The following CMIP variants were observed in gnomAD, a reference collection of about 807,000 sequenced individuals.
CMIP encodes c-Maf inducing protein.
CMIP carries 13 observed loss-of-function variants against 97.3 expected under a neutral mutation model. The ratio of observed to expected loss-of-function variants is 0.13; its 90% CI spans 0.09 to 0.21. CMIP has a LOEUF of 0.21. Ranked by LOEUF, CMIP falls within the 10% of genes least tolerant of loss-of-function variation. CMIP has a pLI of 1.00. For synonymous variants in CMIP, 538 were observed against 436.3 expected (o/e 1.23, Z -2.91); for missense variants, 847 against 1,024.9 (o/e 0.83, Z 2.37).
At chr16:81,642,196 C>G (rs1274910238) in intron 3 of CMIP, among the ~76,000 whole-genome samples, 1 of 152,188 alleles carries the variant, frequency 6.6e-6, no homozygotes, top group Non-Finnish European at 1.5e-5. Context: ...TATGTAGTAG[C>G]CATTATGACT....
At chr16:81,624,622 T>G (rs1307581907) in intron 3 of CMIP, among the ~76,000 whole-genome samples, 1 of 152,206 alleles carries the variant, frequency 6.6e-6, no homozygotes, top group Non-Finnish European at 1.5e-5. Flanking sequence ...AATTGGTTCC[T>G]TGACACTTAA....
At chr16:81,694,915 CA>C (rs1308815815) in intron 13 of CMIP, among the ~76,000 whole-genome samples, 1 of 152,196 alleles carries the variant, frequency 6.6e-6, no homozygotes, top group Non-Finnish European at 1.5e-5. Context: ...TGTCAGGGAC[CA>C]GTGAGTGTCT....
At chr16:81,550,959 TC>T (rs2090642568) in intron 1 of CMIP, among the ~76,000 whole-genome samples, 1 of 140,510 alleles carries the variant, frequency 7.1e-6, no homozygotes. Flanking sequence ...CACACCCCAG[TC>T]CCGTCACACG....
At chr16:81,672,804 C>T (rs1405306297) in intron 9 of CMIP, among the ~76,000 whole-genome samples, 1 of 152,180 alleles carries the variant, frequency 6.6e-6, no homozygotes, top group East Asian at 1.9e-4. Flanking sequence ...TCTCAAACTC[C>T]TGGGCTTAAG....
intron 1 of CMIP, among the ~76,000 whole-genome samples, chr16:81,460,099 C>G (rs892344828): frequency 4.7e-5 from 7 of 147,674 alleles, no homozygotes; most frequent in Admixed American, 1.3e-4. Flanking sequence ...GTTTGGCTCC[C>G]CTGGCCACCC....
In CMIP at chr16:81,652,011, A is replaced by T. The variant is rs981020878; in HGVS notation, c.478-192A>T. 3.9e-5 allele frequency among the ~76,000 whole-genome samples: 6 copies of T among 152,202 alleles called. No homozygotes were observed. Among genetic ancestry groups the T allele is most frequent in the African/African-American group, 1.4e-4 (6 of 41,544 alleles). ...CTAGTGTCAGGAGGCCTGGCTGCAAATGCACCCCGTGACTTTGGATGAGAC... is the reference window on the plus strand; with the variant it reads ...CTAGTGTCAGGAGGCCTGGCTGCAATTGCACCCCGTGACTTTGGATGAGAC... On this transcript the variant is annotated intron_variant, in intron 3 of 20. Transcript: ENST00000537098. The surrounding 1 kb of genome is among the most constrained non-coding windows in gnomAD (Gnocchi z 5.2).
intron 1 of CMIP, among the ~76,000 whole-genome samples, chr16:81,542,685 A>G (rs535983507): frequency 1.3e-5 from 2 of 151,794 alleles, no homozygotes; most frequent in African/African-American, 4.8e-5. Flanking sequence ...GCAGACAGCC[A>G]CCTTCTCACT....
intron 6 of CMIP, among the ~76,000 whole-genome samples, chr16:81,663,120 G>C (rs189847563): frequency 2.6e-5 from 4 of 151,810 alleles, no homozygotes; most frequent in African/African-American, 7.3e-5. Flanking sequence ...AAAATTTTAA[G>C]GCTATGGCAC....
At chr16:81,468,556 G>A (rs181608029) in intron 1 of CMIP, among the ~76,000 whole-genome samples, 2 of 152,286 alleles carry the variant, frequency 1.3e-5, no homozygotes, top group East Asian at 3.8e-4. Context: ...TCATTCAGCA[G>A]TTAGGCATCG....
intron 1 of CMIP, among the ~76,000 whole-genome samples, chr16:81,573,729 T>C (rs1369947512): frequency 6.6e-6 from 1 of 152,226 alleles, no homozygotes; most frequent in Admixed American, 6.5e-5. Flanking sequence ...TCTCCTCATC[T>C]GTAAAATGGG....
intron 1 of CMIP, among the ~76,000 whole-genome samples, chr16:81,486,943 A>G (rs1043634144): frequency 2.0e-5 from 3 of 152,248 alleles, no homozygotes; most frequent in African/African-American, 7.2e-5. Flanking sequence ...CTGGGGTTCA[A>G]AGGCGCACGG....
At chr16:81,492,856 C>T (rs572092228) in intron 1 of CMIP, among the ~76,000 whole-genome samples, 6 of 144,910 alleles carry the variant, frequency 4.1e-5, no homozygotes, top group Non-Finnish European at 6.0e-5. Context: ...GAGTGGGTTA[C>T]GGGGAGCTGT....
chr16:81,459,717 G>A (rs1278565575), intron 1 of CMIP, among the ~76,000 whole-genome samples: 2 of 152,216 alleles, frequency 1.3e-5, no homozygotes, highest in African/African-American at 2.4e-5. Context: ...AATTCCAGGG[G>A]TGTGCTCTCT....
chr16:81,480,454 C>T (rs905685267), intron 1 of CMIP, among the ~76,000 whole-genome samples: 21 of 152,178 alleles, frequency 1.4e-4, no homozygotes, highest in Non-Finnish European at 2.2e-4. Flanking sequence ...GCATGAGAAT[C>T]GCTTGAACCC....
chr16:81,706,734 G>A (rs146639071), intron 19 of CMIP, among the ~76,000 whole-genome samples: 2 of 152,310 alleles, frequency 1.3e-5, no homozygotes, highest in Non-Finnish European at 2.9e-5. Flanking sequence ...GGGACATCAG[G>A]TCCAGGCAGT....
intron 1 of CMIP, among the ~76,000 whole-genome samples, chr16:81,491,837 C>T (rs1254477378): frequency 6.6e-6 from 1 of 152,202 alleles, no homozygotes; most frequent in Non-Finnish European, 1.5e-5. Context: ...ACTTTTATGT[C>T]ATTACAGGCA....
At chr16:81,682,607 T>C (rs1435386266) in intron 10 of CMIP, among the ~76,000 whole-genome samples, 1 of 147,558 alleles carries the variant, frequency 6.8e-6, no homozygotes, top group Non-Finnish European at 1.5e-5. Flanking sequence ...AATTGAAGGG[T>C]CTTAAAGAGG....
intron 1 of CMIP, among the ~76,000 whole-genome samples, chr16:81,565,801 G>C (rs1018721884): frequency 3.9e-5 from 6 of 152,216 alleles, no homozygotes; most frequent in African/African-American, 1.4e-4. Context: ...TTTCCTGTCT[G>C]CCTCCTTCTG....
At chr16:81,586,104 T>A (rs2150911601) in intron 1 of CMIP, among the ~76,000 whole-genome samples, 1 of 151,886 alleles carries the variant, frequency 6.6e-6, no homozygotes, top group African/African-American at 2.4e-5. Flanking sequence ...CTATCTTTTT[T>A]TTTTCCAGAA....
Sources: allele counts gnomAD v4.1 joint callset (sites outside exome capture counted in the v4.1 genomes callset), GRCh38; gene constraint gnomAD v4.1.1; non-coding constraint Gnocchi (gnomAD v3.1); transcripts MANE v1.5; gene names NCBI Gene and HGNC (gene_info 2026-07-23, HGNC 2026-07-21).